SHLD2: variants seen among roughly 807,000 people sequenced by gnomAD.
The protein encoded by SHLD2 is shieldin complex subunit 2, also known as RINN1-REV7-interacting novel NHEJ regulator 2.
In SHLD2, 30 loss-of-function variants were observed where a neutral mutation model predicts 73.2. The ratio of observed to expected loss-of-function variants is 0.41; its 90% confidence interval spans 0.31 to 0.56. SHLD2 has a LOEUF of 0.56. Among genes scored for constraint, SHLD2 ranks in the 20% least tolerant of loss-of-function variants. SHLD2 has a pLI of 0.28. For missense variants in SHLD2, 745 were observed against 1,055.9 expected, an observed-to-expected ratio of 0.71 and a Z score of 4.08; for synonymous variants, 285 against 370.1, an observed-to-expected ratio of 0.77 and a Z score of 2.64.
In SHLD2 at chr10:87,143,457, T is replaced by G. The variant is rs544563811; in HGVS notation, c.-5-7893T>G. Among the ~76,000 whole-genome samples the G allele has an allele frequency of 1.2e-4, 19 of 152,312 alleles. No individual in the cohort carries two copies. The South Asian group carries it at 3.9e-3, about 32-fold the overall frequency. On this transcript the variant is annotated intron_variant, in intron 2 of 9. Transcript: ENST00000298786. ...AGCCATGATCCTCTTTTTTTCCCCC[T>G]TAGTTGTCAAACATGGGTTCTCTGT...
chr10:87,094,949 A>G, upstream of SHLD2: 1 of 301,150 alleles, frequency 3.3e-6, no homozygotes, highest in Non-Finnish European at 5.9e-6. The surrounding 1 kb of genome is among the most constrained non-coding windows in gnomAD (Gnocchi z 6.6). Context: ...GACTTCGGGG[A>G]CAGGGCGCCG....
intron 3 of SHLD2, among the ~76,000 whole-genome samples, chr10:87,155,843 C>G (rs1846381405): frequency 6.6e-6 from 1 of 151,964 alleles, no homozygotes; most frequent in Non-Finnish European, 1.5e-5. Flanking sequence ...TAGATGATTT[C>G]TATGAACATT....
chr10:87,179,834 A>T (rs1334139418), intron 7 of SHLD2, among the ~76,000 whole-genome samples: 5 of 152,146 alleles, frequency 3.3e-5, no homozygotes, highest in Non-Finnish European at 7.4e-5. Flanking sequence ...ATTCCAGAGG[A>T]TGGGGAAGGA....
At chr10:87,121,910 A>G (rs1227154056) in intron 2 of SHLD2, among the ~76,000 whole-genome samples, 1 of 151,714 alleles carries the variant, frequency 6.6e-6, no homozygotes, top group Non-Finnish European at 1.5e-5. Flanking sequence ...GATCACAGGT[A>G]TATGTCACCA....
chr10:87,167,977 G>C (rs550978743), intron 4 of SHLD2, among the ~76,000 whole-genome samples: 1 of 152,126 alleles, frequency 6.6e-6, no homozygotes, highest in Non-Finnish European at 1.5e-5. Flanking sequence ...GTCAAAAAAC[G>C]ACAGATGTTG....
Position 87,185,121 on chromosome 10 carries a change from C to T in SHLD2, c.2400-1964C>T, listed in dbSNP as rs749398746. Among the ~76,000 whole-genome samples the T allele has an allele frequency of 1.4e-4, 22 of 152,048 alleles. 1 individual carries two copies. Among genetic ancestry groups the T allele is most frequent in the East Asian group, 5.8e-4 (3 of 5,184 alleles). ...CCTATGGCAACTACGAATCTGCTTT[C>T]GGTCTCTATAGATTTGCCTGTTCTA... On this transcript the variant is annotated intron_variant, in intron 8 of 9. Transcript: ENST00000298786.
chr10:87,099,328 A>T (rs1201848911), intron 2 of SHLD2, among the ~76,000 whole-genome samples: 2 of 152,206 alleles, frequency 1.3e-5, no homozygotes, highest in African/African-American at 4.8e-5. Context: ...ATTCATTTTT[A>T]AAAATAATTT....
chr10:87,143,866 T>C (rs9421596), intron 2 of SHLD2, among the ~76,000 whole-genome samples: 1,818 of 55,314 alleles, frequency 0.033, 37 homozygotes, highest in Non-Finnish European at 0.055. Flanking sequence ...TTCTTTCTTT[T>C]TTTTTTTTTT....
chr10:87,095,295 G>A (rs1161710746), intron 1 of SHLD2, 47 bp downstream of exon 1: 1 of 151,838 alleles, frequency 6.6e-6, no homozygotes, highest in Non-Finnish European at 1.5e-5. Context: ...GGTAGCCCAG[G>A]GAGGTCGGGG....
intron 2 of SHLD2, among the ~76,000 whole-genome samples, chr10:87,147,072 G>GAAAAAAAAA (rs76041937): frequency 1.4e-3 from 135 of 94,982 alleles, no homozygotes; most frequent in Non-Finnish European, 2.1e-3. Context: ...AAAAAAAAAA[G>GAAAAAAAAA]AAAAAAAAAA....
chr10:87,115,089 C>T (rs1293418273), intron 2 of SHLD2, among the ~76,000 whole-genome samples: 5 of 152,226 alleles, frequency 3.3e-5, no homozygotes, highest in Admixed American at 6.5e-5. Flanking sequence ...CGTGCTCTGT[C>T]GCCCAGGCTG....
At chr10:87,129,525 T>C (rs1185496891) in intron 2 of SHLD2, among the ~76,000 whole-genome samples, 1 of 152,258 alleles carries the variant, frequency 6.6e-6, no homozygotes, top group Non-Finnish European at 1.5e-5. Flanking sequence ...TTATCTTGAC[T>C]GGACCTCCAG....
chr10:87,153,950 G>T (rs1275771251), intron 3 of SHLD2: 9 of 152,072 alleles, frequency 5.9e-5, no homozygotes, highest in African/African-American at 2.2e-4. Context: ...ATGTTGCCAA[G>T]TGCAGTGGGT....
chr10:87,139,596 G>T (rs943191203), intron 2 of SHLD2, among the ~76,000 whole-genome samples: 1 of 152,346 alleles, frequency 6.6e-6, no homozygotes, highest in African/African-American at 2.4e-5. Context: ...GCCAGATATG[G>T]TGACTCACGC....
Position 87,151,361 on chromosome 10 carries a change from G to A in SHLD2, c.7G>A (p.Gly3Arg), listed in dbSNP as rs1845999464. 6.5e-7 allele frequency: 1 copy of A among 1,541,484 alleles called. No individual in the cohort carries two copies. Among genetic ancestry groups the A allele is most frequent in the South Asian group, 1.3e-5 (1 of 79,252 alleles). MS[G>R]GSQVHIFWGA... is the part of the protein sequence containing the mutation. ...TTCATTTTTATCAGAAATCATGAGT[G>A]GAGGATCTCAAGTCCACATTTTTTG... is the stretch of plus-strand genomic sequence containing the variant. The change falls in exon 3 of 10, where the codon GGA becomes AGA. Residue 3 changes from glycine (G) to arginine (R), a missense_variant. Gly to Arg is a moderately radical substitution (Grantham distance 125). This residue lies in a region of SHLD2 where 280 missense variants were observed against 353.9 expected (regional missense o/e 0.79). Coordinates refer to ENST00000298786, the MANE Select transcript of SHLD2 (RefSeq NM_001330112.2).
intron 2 of SHLD2, among the ~76,000 whole-genome samples, chr10:87,102,087 A>G (rs1842303370): frequency 6.6e-6 from 1 of 152,032 alleles, no homozygotes; most frequent in African/African-American, 2.4e-5. Flanking sequence ...TTAGTTTTCA[A>G]TGTTGCATAG....
intron 2 of SHLD2, among the ~76,000 whole-genome samples, chr10:87,120,137 T>G (rs1275915888): frequency 6.6e-6 from 1 of 152,144 alleles, no homozygotes; most frequent in Non-Finnish European, 1.5e-5. Context: ...TTCGGTAACC[T>G]TGAAGGTTTG....
intron 2 of SHLD2, among the ~76,000 whole-genome samples, chr10:87,113,505 G>T (rs1440050464): frequency 3.3e-5 from 5 of 152,168 alleles, no homozygotes; most frequent in African/African-American, 1.2e-4. Flanking sequence ...GAAATGTTTA[G>T]AACAGGAAAT....
Position 87,107,790 on chromosome 10 carries a change from A to T in SHLD2, c.-6+10801A>T, listed in dbSNP as rs1044773796. ...TGGAAAACCCAATTGGAAGTATAGT[A>T]GGCATAAATTTTGTAGACTACATAC... On this transcript the variant is annotated intron_variant, in intron 2 of 9. Coordinates refer to ENST00000298786, the MANE Select transcript of SHLD2 (RefSeq NM_001330112.2). Among the ~76,000 whole-genome samples, 5 of 152,246 alleles carry T rather than the reference A, an allele frequency of 3.3e-5. No individual in the cohort carries two copies. The East Asian group carries it at 7.7e-4, about 23-fold the overall frequency.
Sources: allele counts gnomAD v4.1 joint callset (sites outside exome capture counted in the v4.1 genomes callset), GRCh38; gene constraint gnomAD v4.1.1; regional missense constraint gnomAD v4.1.1; non-coding constraint Gnocchi (gnomAD v3.1); transcripts MANE v1.5; gene names NCBI Gene and HGNC (gene_info 2026-07-23, HGNC 2026-07-21).